Variants in CSMD3 observed in about 807,000 individuals in gnomAD.
The protein encoded by CSMD3 is CUB and Sushi multiple domains 3.
A neutral mutation model predicts 435.2 loss-of-function variants in CSMD3; 177 were observed. The ratio of observed to expected loss-of-function variants is 0.41; its 90% confidence interval spans 0.36 to 0.46. The LOEUF is 0.46. Among genes scored for constraint, CSMD3 ranks in the 20% least tolerant of loss-of-function variants. The pLI is 0.34. For missense variants in CSMD3, 4,265 were observed against 4,504.6 expected, an observed-to-expected ratio of 0.95 and a Z score of 1.52; for synonymous variants, 1,656 against 1,520.5, an observed-to-expected ratio of 1.09 and a Z score of -2.07.
At chr8:112,263,174 A>T (rs1816599564) in intron 61 of CSMD3, among the ~76,000 whole-genome samples, 1 of 151,682 alleles carries the variant, frequency 6.6e-6, no homozygotes, top group African/African-American at 2.4e-5. Flanking sequence ...AACAAACAAG[A>T]AACCCTTTTA....
At chr8:113,249,499 A>G (rs2093314074) in intron 3 of CSMD3, among the ~76,000 whole-genome samples, 1 of 152,080 alleles carries the variant, frequency 6.6e-6, no homozygotes, top group Admixed American at 6.6e-5. Flanking sequence ...ACAGTTGTAC[A>G]TATTATAAGG....
chr8:112,289,025 T>G (rs1230939984), intron 57 of CSMD3, among the ~76,000 whole-genome samples: 1 of 152,154 alleles, frequency 6.6e-6, no homozygotes, highest in Non-Finnish European at 1.5e-5. Flanking sequence ...ATGTGGTATC[T>G]GCTAAAATGG....
intron 3 of CSMD3, among the ~76,000 whole-genome samples, chr8:113,223,015 A>G (rs2092987599): frequency 6.6e-6 from 1 of 150,836 alleles, no homozygotes; most frequent in Non-Finnish European, 1.5e-5. Flanking sequence ...ACTTCCTGAG[A>G]TATACTTCAT....
chr8:113,316,444 T>C (rs995039466), intron 1 of CSMD3, among the ~76,000 whole-genome samples: 3 of 152,218 alleles, frequency 2.0e-5, no homozygotes, highest in Admixed American at 1.3e-4. Context: ...TTGTAGATTA[T>C]GGCAGATAGT....
At chr8:112,368,292 T>G (rs925974806) in intron 38 of CSMD3, among the ~76,000 whole-genome samples, 1 of 152,180 alleles carries the variant, frequency 6.6e-6, no homozygotes, top group Non-Finnish European at 1.5e-5. Context: ...ATACAAGATA[T>G]TTTCATACTT....
In CSMD3 at chr8:112,406,442, T is replaced by C. The variant is rs937886065; in HGVS notation, c.5809+82A>G. On this transcript the variant is annotated intron_variant, in intron 35 of 70. Coordinates refer to ENST00000297405, the MANE Select transcript of CSMD3 (RefSeq NM_198123.2). Reference sequence around the variant, plus strand: ...AAATTAAGTACATAATTATTAGATCTGAAATTTAAAAAATTGAAAGATGTA... The same window carrying C: ...AAATTAAGTACATAATTATTAGATCCGAAATTTAAAAAATTGAAAGATGTA... 2.3e-5 allele frequency: 18 copies of C among 798,098 alleles called. No individual in the cohort carries two copies. In the African/African-American group the frequency reaches 2.3e-4, roughly 10 times the overall value. 49.4% of individuals were successfully genotyped at this position (798,098 alleles called of 1,614,324 possible). A position where few individuals can be genotyped will look rare whatever the true frequency, so the allele number is the denominator to read the frequency against.
chr8:112,248,567 G>A (rs969689173), intron 63 of CSMD3, among the ~76,000 whole-genome samples: 1 of 152,096 alleles, frequency 6.6e-6, no homozygotes. Flanking sequence ...TGCAGTCTGA[G>A]AAGGCTCAAT....
chr8:112,843,699 A>C (rs2080242749), intron 11 of CSMD3, among the ~76,000 whole-genome samples: 1 of 151,796 alleles, frequency 6.6e-6, no homozygotes, highest in Non-Finnish European at 1.5e-5. Flanking sequence ...CTAAGAGCCA[A>C]GAAAAAATAA....
chr8:113,339,621 G>A (rs2094103708), intron 1 of CSMD3, among the ~76,000 whole-genome samples: 1 of 151,950 alleles, frequency 6.6e-6, no homozygotes, highest in African/African-American at 2.4e-5. Context: ...TTGGGTGAAT[G>A]TATGCCAATT....
intron 45 of CSMD3, among the ~76,000 whole-genome samples, chr8:112,320,188 C>G (rs542050740): frequency 1.3e-5 from 2 of 151,994 alleles, no homozygotes; most frequent in African/African-American, 4.8e-5. Context: ...ACTTTTTATT[C>G]TTTATTTCTT....
At chr8:112,388,107 T>G (rs1830125372) in intron 36 of CSMD3, among the ~76,000 whole-genome samples, 1 of 152,126 alleles carries the variant, frequency 6.6e-6, no homozygotes, top group Admixed American at 6.5e-5. Flanking sequence ...AAGGAGATCA[T>G]AGAGAGTGCT....
intron 5 of CSMD3, among the ~76,000 whole-genome samples, chr8:113,020,540 A>G (rs887024716): frequency 5.3e-5 from 8 of 152,324 alleles, no homozygotes; most frequent in Non-Finnish European, 1.2e-4. Flanking sequence ...CCAAAGTAAA[A>G]GAGTCTCCAA....
At chr8:113,073,745 T>C (rs2089227893) in intron 5 of CSMD3, among the ~76,000 whole-genome samples, 1 of 151,664 alleles carries the variant, frequency 6.6e-6, no homozygotes, top group African/African-American at 2.4e-5. Context: ...TTAATGACAA[T>C]AGTTTAACAT....
chr8:113,270,497 G>T (rs1251146157), intron 3 of CSMD3, among the ~76,000 whole-genome samples: 4 of 152,096 alleles, frequency 2.6e-5, no homozygotes, highest in Non-Finnish European at 5.9e-5. Flanking sequence ...AGGATTGTAA[G>T]TCATGCCGCT....
intron 19 of CSMD3, among the ~76,000 whole-genome samples, chr8:112,648,805 T>C (rs1040653185): frequency 1.3e-5 from 2 of 152,148 alleles, no homozygotes; most frequent in African/African-American, 4.8e-5. Flanking sequence ...CCTTGTAGCT[T>C]TATTAGGGTC....
rs369809513 is a variant in CSMD3 at position 112,849,514 on chromosome 8, G to A, written c.1755+9631C>T. Among the ~76,000 whole-genome samples the A allele has an allele frequency of 2.0e-3, 310 of 151,930 alleles. 1 individual carries two copies. Among genetic ancestry groups the A allele is most frequent in the African/African-American group, 7.0e-3 (292 of 41,486 alleles). ...TCTATTAGCAACCTAACAAAGTAAA[G>A]GTAGCCAACACTAGCATGTGTTTTA... On this transcript the variant is annotated intron_variant, in intron 11 of 70. Coordinates refer to ENST00000297405, the MANE Select transcript of CSMD3 (RefSeq NM_198123.2).
At chr8:112,747,827 G>A (rs1380212122) in intron 13 of CSMD3, among the ~76,000 whole-genome samples, 2 of 151,970 alleles carry the variant, frequency 1.3e-5, no homozygotes, top group Non-Finnish European at 1.5e-5. Context: ...GCCGGGCGCA[G>A]TGGCGGGCGC....
At chr8:112,844,804 T>C (rs1239535305) in intron 11 of CSMD3, among the ~76,000 whole-genome samples, 2 of 151,938 alleles carry the variant, frequency 1.3e-5, no homozygotes, top group African/African-American at 4.8e-5. Context: ...TTGTTTTAAT[T>C]AAGACCTTCT....
intron 4 of CSMD3, among the ~76,000 whole-genome samples, chr8:113,104,520 G>A (rs757377376): frequency 6.6e-6 from 1 of 151,986 alleles, no homozygotes; most frequent in Non-Finnish European, 1.5e-5. Context: ...TTGCATTCTT[G>A]TGTTTAAAGA....
Sources: gnomAD v4.1 joint callset for allele counts (sites outside exome capture counted in the v4.1 genomes callset) on GRCh38, gnomAD v4.1.1 for gene constraint, MANE v1.5 for transcripts, NCBI Gene and HGNC (gene_info 2026-07-23, HGNC 2026-07-21) for gene names.